Variants in PLEKHG1 observed in about 807,000 individuals in gnomAD.
The protein encoded by PLEKHG1 is pleckstrin homology domain-containing family G member 1.
In PLEKHG1, 44 loss-of-function variants were observed where a neutral mutation model predicts 100.8. That is an observed-to-expected ratio of 0.44 (90% confidence interval 0.34 to 0.56). The LOEUF (loss-of-function observed/expected upper bound fraction) is 0.56. PLEKHG1 is among the 20% of genes least tolerant of loss of function. PLEKHG1 has a pLI of 0.01. For synonymous variants in PLEKHG1, 640 were observed against 662.5 expected (o/e 0.97, Z 0.52); for missense variants, 1,545 against 1,720.9 (o/e 0.90, Z 1.81).
chr6:150,654,702 T>C (rs1046745466), intron 3 of PLEKHG1, among the ~76,000 whole-genome samples: 6 of 152,400 alleles, frequency 3.9e-5, no homozygotes, highest in Non-Finnish European at 8.8e-5. Flanking sequence ...GTGACCTTGC[T>C]ACTGTGTCCC....
intron 14 of PLEKHG1, 94 bp from the exon 16 acceptor site, chr6:150,830,488 G>A (rs998429911): frequency 2.6e-5 from 22 of 850,448 alleles, no homozygotes; most frequent in East Asian, 1.5e-4. Context: ...AAAGCCTAGT[G>A]GGGGAGGCAG....
At chr6:150,623,649 G>A (rs1777400064) in intron 1 of PLEKHG1, among the ~76,000 whole-genome samples, 1 of 152,234 alleles carries the variant, frequency 6.6e-6, no homozygotes, top group Admixed American at 6.5e-5. Context: ...CCCCACGTGT[G>A]CACTGTACAA....
intron 2 of PLEKHG1, among the ~76,000 whole-genome samples, chr6:150,736,943 G>A (rs1782591741): frequency 6.6e-6 from 1 of 152,172 alleles, no homozygotes; most frequent in Non-Finnish European, 1.5e-5. Context: ...AGAAGGGGGT[G>A]AGTATTGGAA....
At chr6:150,632,126 G>T (rs531462774) in intron 1 of PLEKHG1, among the ~76,000 whole-genome samples, 1 of 152,186 alleles carries the variant, frequency 6.6e-6, no homozygotes, top group Non-Finnish European at 1.5e-5. Context: ...TCCTAAAAAT[G>T]TGCATGTCGT....
intron 3 of PLEKHG1, among the ~76,000 whole-genome samples, chr6:150,675,289 A>AT: frequency 6.6e-6 from 1 of 152,286 alleles, no homozygotes; most frequent in South Asian, 2.1e-4. Context: ...AACTTGCATG[A>AT]TTGAGGAGCT....
At chr6:150,811,716 G>C (rs906150821) in intron 10 of PLEKHG1, among the ~76,000 whole-genome samples, 1 of 152,154 alleles carries the variant, frequency 6.6e-6, no homozygotes, top group African/African-American at 2.4e-5. Context: ...TGAGTTCTCA[G>C]GGACTGAGGC....
chr6:150,794,004 C>T (rs1275250028), intron 4 of PLEKHG1, among the ~76,000 whole-genome samples: 1 of 152,120 alleles, frequency 6.6e-6, no homozygotes, highest in East Asian at 1.9e-4. Context: ...ATCACTTGAA[C>T]CTGGGAGGCA....
upstream of PLEKHG1, among the ~76,000 whole-genome samples, chr6:150,719,948 C>G (rs1781599448): frequency 6.6e-6 from 1 of 152,148 alleles, no homozygotes; most frequent in African/African-American, 2.4e-5. Flanking sequence ...AGGAAATCAG[C>G]ATTAAAACAA....
chr6:150,790,049 T>A (rs1785877398), intron 4 of PLEKHG1, among the ~76,000 whole-genome samples: 1 of 152,188 alleles, frequency 6.6e-6, no homozygotes, highest in Admixed American at 6.5e-5. Flanking sequence ...ATACAGAGTT[T>A]CGCTCTTGTC....
intron 14 of PLEKHG1, among the ~76,000 whole-genome samples, chr6:150,827,359 C>T (rs1246647546): frequency 3.3e-5 from 5 of 151,108 alleles, no homozygotes; most frequent in African/African-American, 9.7e-5. Context: ...CTCACTGCAA[C>T]CTCCGCCTCC....
Position 150,748,862 on chromosome 6 carries a change from G to A in PLEKHG1, c.411+14770G>A, listed in dbSNP as rs555976633. ...GCTGGTCTGGAACTCCTGACCTCAA[G>A]TGATTTCACCCACCTTGGCCTCCTG... On this transcript the variant is annotated intron_variant, in intron 2 of 15. Transcript: ENST00000358517. Among the ~76,000 whole-genome samples, 4 of 152,252 alleles carry A rather than the reference G, an allele frequency of 2.6e-5. No individual in the cohort carries two copies. In the South Asian group the frequency reaches 8.3e-4, roughly 32 times the overall value.
intron 1 of PLEKHG1, chr6:150,637,995 G>A (rs1172640708): frequency 1.3e-5 from 2 of 152,090 alleles, no homozygotes; most frequent in Non-Finnish European, 2.9e-5. Flanking sequence ...CCATATAAAT[G>A]CTATCATTTA....
Position 150,683,801 on chromosome 6 carries a change from T to A in PLEKHG1, c.-99+33015T>A. The A allele has an allele frequency of 7.8e-7, 1 of 1,288,830 alleles. No individual in the cohort carries two copies. The highest frequency in any genetic ancestry group is 1.2e-5 in the South Asian group (1 of 80,972). The allele number at this position is 1,288,830 out of a possible 1,614,324, so 79.8% of individuals were successfully genotyped here. On this transcript the variant is annotated intron_variant, in intron 3 of 3. Transcript: ENST00000367326. The surrounding 1 kb of genome is among the most constrained non-coding windows in gnomAD (Gnocchi z 4.0). ...TGGTGGGGCGGAAGAGGCAGGAAAC[T>A]GCTGCCTGGACAAATCGTGTTCTGG...
chr6:150,684,133 C>A (rs1030388738), intron 3 of PLEKHG1, among the ~76,000 whole-genome samples: 2 of 152,270 alleles, frequency 1.3e-5, no homozygotes, highest in Non-Finnish European at 2.9e-5. Flanking sequence ...AAATTGGCAT[C>A]TTCATATTAT....
intron 3 of PLEKHG1, among the ~76,000 whole-genome samples, chr6:150,785,712 A>G (rs889229031): frequency 6.6e-6 from 1 of 151,880 alleles, no homozygotes; most frequent in Non-Finnish European, 1.5e-5. Context: ...GGAGTCCCCA[A>G]CCCCCAGGTC....
At chr6:150,742,393 T>G (rs1282986702) in intron 2 of PLEKHG1, among the ~76,000 whole-genome samples, 13 of 151,996 alleles carry the variant, frequency 8.6e-5, no homozygotes, top group Non-Finnish European at 1.5e-5. Context: ...GGTGAAACCC[T>G]GTCTCTACTA....
chr6:150,804,074 T>C (rs1031544971), intron 6 of PLEKHG1, among the ~76,000 whole-genome samples: 1 of 147,426 alleles, frequency 6.8e-6, no homozygotes, highest in African/African-American at 2.5e-5. Flanking sequence ...CCTTGTTTTT[T>C]TTTTTCCCCT....
chr6:150,754,102 A>G (rs12664858), intron 2 of PLEKHG1, among the ~76,000 whole-genome samples: 27,634 of 152,190 alleles, frequency 0.18, 4,514 homozygotes, highest in African/African-American at 0.44. Flanking sequence ...AAGACTTAGA[A>G]TACCTGACCC....
chr6:150,839,956 C>T, exon 16 of PLEKHG1: 1 of 1,614,096 alleles, frequency 6.2e-7, no homozygotes, highest in Non-Finnish European at 8.5e-7. Context: ...TCTGTGTCAC[C>T]TTCCCAGGTC....
Sources: gnomAD v4.1 joint callset for allele counts (sites outside exome capture counted in the v4.1 genomes callset) on GRCh38, gnomAD v4.1.1 for gene constraint, Gnocchi (gnomAD v3.1) non-coding constraint, MANE v1.5 for transcripts, NCBI Gene and HGNC (gene_info 2026-07-23, HGNC 2026-07-21) for gene names.